CETP: variants seen among roughly 807,000 people sequenced by gnomAD.
CETP encodes cholesteryl ester transfer protein, also known as BPI fold containing family F.
Under a neutral mutation model 66.5 loss-of-function variants are expected in CETP, and 56 were observed. The ratio of observed to expected loss-of-function variants is 0.84; its 90% CI spans 0.68 to 1.05. CETP has a LOEUF of 1.05. Among genes scored for constraint, CETP ranks in the 50% least tolerant of loss-of-function variants. The probability of loss-of-function intolerance (pLI) is 0.00; values close to 1 mark genes in which losing one functional copy is unlikely to be tolerated. For missense variants in CETP, 612 were observed against 609.6 expected (o/e 1.00, Z -0.04); for synonymous variants, 251 against 245.7 (o/e 1.02, Z -0.20).
At chr16:56,964,537 TCGGTCTGAGGC>T (rs1302408180) in intron 2 of CETP, among the ~76,000 whole-genome samples, 2 of 152,156 alleles carry the variant, frequency 1.3e-5, no homozygotes, top group Non-Finnish European at 2.9e-5. Flanking sequence ...GGTCTGTGTG[TCGGTCTGAGGC>T]CCCAAGGGTG....
intron 14 of CETP, among the ~76,000 whole-genome samples, chr16:56,982,780 A>G (rs2056198415): frequency 6.6e-6 from 1 of 152,174 alleles, no homozygotes; most frequent in East Asian, 1.9e-4. Flanking sequence ...GAGTATGTTG[A>G]GCTGACTGTG....
intron 1 of CETP, among the ~76,000 whole-genome samples, chr16:56,962,690 G>A (rs1310141907): frequency 2.6e-5 from 4 of 152,042 alleles, no homozygotes; most frequent in East Asian, 3.9e-4. Context: ...TCACAGCATC[G>A]TCTGGGTGAG....
intron 14 of CETP, 29 bp downstream of exon 14, chr16:56,982,266 T>C: frequency 3.7e-6 from 6 of 1,607,458 alleles, no homozygotes; most frequent in Non-Finnish European, 5.1e-6. Context: ...GGAAACTGGG[T>C]GCCGAGGCTG....
At chr16:56,970,639 G>T (rs2056102846) in intron 5 of CETP, among the ~76,000 whole-genome samples, 1 of 152,242 alleles carries the variant, frequency 6.6e-6, no homozygotes, top group Non-Finnish European at 1.5e-5. Flanking sequence ...ACAAGGTTTG[G>T]AGAGTCCCTA....
intron 10 of CETP, among the ~76,000 whole-genome samples, chr16:56,977,429 C>T (rs1426049676): frequency 6.6e-6 from 1 of 152,144 alleles, no homozygotes; most frequent in Non-Finnish European, 1.5e-5. Context: ...ACACTGTCCC[C>T]TCTGCCAGAA....
At chr16:56,966,160 C>A (rs1223859294) in intron 2 of CETP, among the ~76,000 whole-genome samples, 3 of 152,202 alleles carry the variant, frequency 2.0e-5, no homozygotes, top group African/African-American at 7.2e-5. Context: ...CCATGGCCCT[C>A]CCTGAGCTAA....
intron 9 of CETP, among the ~76,000 whole-genome samples, chr16:56,974,045 C>CTTAGG (rs2056132691): frequency 1.3e-5 from 2 of 152,196 alleles, no homozygotes; most frequent in South Asian, 4.1e-4. Context: ...AACTACCAGG[C>CTTAGG]TTAGGTCAGG....
At chr16:56,967,238 T>C (rs2056073950) in intron 2 of CETP, among the ~76,000 whole-genome samples, 1 of 151,666 alleles carries the variant, frequency 6.6e-6, no homozygotes, top group Admixed American at 6.6e-5. Flanking sequence ...TCTCAGCTAC[T>C]TGGGAGGCCA....
intron 2 of CETP, 131 bp downstream of exon 2, chr16:56,963,255 C>A: frequency 1.4e-6 from 1 of 721,132 alleles, no homozygotes; most frequent in Non-Finnish European, 2.5e-6. Flanking sequence ...GATTTGGAAC[C>A]AGAGCCTGAC....
intron 14 of CETP, 90 bp from the exon 15 acceptor site, chr16:56,983,236 C>A: frequency 1.0e-6 from 1 of 990,658 alleles, no homozygotes; most frequent in Non-Finnish European, 1.6e-6. Flanking sequence ...CCAAAAGGGT[C>A]TCAGCATCTC....
At chr16:56,979,091 T>G (rs1004517735) in intron 11 of CETP, among the ~76,000 whole-genome samples, 1 of 152,146 alleles carries the variant, frequency 6.6e-6, no homozygotes, top group African/African-American at 2.4e-5. Flanking sequence ...CCTCCCAAAG[T>G]GCTGGGATTA....
intron 11 of CETP, among the ~76,000 whole-genome samples, chr16:56,979,074 G>A (rs745495887): frequency 3.3e-5 from 5 of 152,180 alleles, no homozygotes; most frequent in Admixed American, 6.5e-5. Context: ...TGATCTGCCC[G>A]CCTCAGCCTC....
intron 2 of CETP, among the ~76,000 whole-genome samples, chr16:56,963,487 G>C (rs1015746602): frequency 3.3e-5 from 5 of 152,078 alleles, no homozygotes; most frequent in Admixed American, 2.0e-4. Context: ...TTTTCTTATA[G>C]TACAGACAGG....
chr16:56,971,912 A>G, intron 7 of CETP, 80 bp from the exon 8 acceptor site: 1 of 1,207,410 alleles, frequency 8.3e-7, no homozygotes. Context: ...AGGGTTGGGT[A>G]GCTGTGTGGA....
In CETP at chr16:56,969,393, A is replaced by G; in HGVS notation, c.241A>G (p.Ile81Val). ...ACTTCCATTCCTTCCCAGCATCCAG[A>G]TCAGCCACTTGTCCATCGCCAGCAG... ...QVKYGLHNIQ[I>V]SHLSIASSQV... Residue 81 changes from isoleucine (I) to valine (V), a missense_variant, in exon 3 of 16, where the codon ATC becomes GTC. Physicochemically the swap from Ile to Val is conservative, Grantham distance 29 (BLOSUM62 3). Transcript: ENST00000200676. 1 of 1,613,912 alleles carries G rather than the reference A, an allele frequency of 6.2e-7. No individual in the cohort carries two copies. The highest frequency in any genetic ancestry group is 8.5e-7 in the Non-Finnish European group (1 of 1,180,026).
chr16:56,965,938 G>A (rs578076148), intron 2 of CETP, among the ~76,000 whole-genome samples: 96 of 152,104 alleles, frequency 6.3e-4, no homozygotes, highest in Non-Finnish European at 7.5e-4. Flanking sequence ...CCATTGTGCA[G>A]CTCCACCTCT....
At position 56,963,485 on chromosome 16, in the gene CETP, T is replaced by C. The variant is rs150484270; in HGVS notation, c.233+361T>C. Among the ~76,000 whole-genome samples the C allele has an allele frequency of 1.8e-3, 269 of 152,316 alleles. 1 individual carries two copies. The highest frequency in any genetic ancestry group is 5.8e-3 in the African/African-American group (239 of 41,560). On this transcript the variant is annotated intron_variant, in intron 2 of 15. Coordinates refer to ENST00000200676, the MANE Select transcript of CETP (RefSeq NM_000078.3). Reference sequence around the variant, plus strand: ...AAAATGTATAAATGTTGTTTTCTTATAGTACAGACAGGTCTTGCTATGTTG... The same window carrying C: ...AAAATGTATAAATGTTGTTTTCTTACAGTACAGACAGGTCTTGCTATGTTG...
rs751890809 is a variant in CETP, at chr16:56,969,470, G to A, written c.318G>A (p.Val106=). ...CCATTGATGTCTCCATTCAGAACGTGTCTGTGGTCTTCAAGGGGACCCTGA... is the reference window on the plus strand; with the variant it reads ...CCATTGATGTCTCCATTCAGAACGTATCTGTGGTCTTCAAGGGGACCCTGA... ...AKSIDVSIQN[V]SVVFKGTLKY... The change falls in exon 3 of 16, where the codon GTG becomes GTA. Residue 106 remains valine, a synonymous_variant. Transcript: ENST00000200676. 2 of 1,614,234 alleles carry A rather than the reference G, an allele frequency of 1.2e-6. No individual in the cohort carries two copies. The highest frequency in any genetic ancestry group is 3.3e-5 in the Admixed American group (2 of 60,030).
chr16:56,974,553 C>CT (rs2056136243), intron 9 of CETP, among the ~76,000 whole-genome samples: 1 of 152,206 alleles, frequency 6.6e-6, no homozygotes. Flanking sequence ...ATAGATATAA[C>CT]TTGGCACGTA....
Sources: gnomAD v4.1 joint callset for allele counts (sites outside exome capture counted in the v4.1 genomes callset) on GRCh38, gnomAD v4.1.1 for gene constraint, MANE v1.5 for transcripts, NCBI Gene and HGNC (gene_info 2026-07-23, HGNC 2026-07-21) for gene names.